RAD21: variants seen among roughly 807,000 people sequenced by gnomAD.
RAD21 encodes the protein double-strand-break repair protein rad21 homolog.
RAD21 carries 18 observed loss-of-function variants against 71.5 expected under a neutral mutation model. That is an observed-to-expected ratio of 0.25 (90% confidence interval 0.17 to 0.37). RAD21 has a LOEUF of 0.37. Ranked by LOEUF, RAD21 falls within the 10% of genes least tolerant of loss-of-function variation. RAD21 has a pLI of 1.00. For missense variants in RAD21, 493 were observed against 769.1 expected, an observed-to-expected ratio of 0.64 and a Z score of 4.25; for synonymous variants, 248 against 254.0, an observed-to-expected ratio of 0.98 and a Z score of 0.22.
At position 116,846,680 on chromosome 8, in the gene RAD21, C is replaced by G. The variant is rs541737011; in HGVS notation, c.*820G>C. 1 of 223,434 alleles carries G rather than the reference C, an allele frequency of 4.5e-6. No homozygotes were observed. Among genetic ancestry groups the G allele is most frequent in the East Asian group, 6.5e-5 (1 of 15,308 alleles). The allele number at this position is 223,434 out of a possible 1,614,324, so 13.8% of individuals were successfully genotyped here. On this transcript the variant is annotated 3_prime_UTR_variant, in exon 14 of 14. Coordinates refer to ENST00000297338, the MANE Select transcript of RAD21 (RefSeq NM_006265.3). The stretch of plus-strand genomic sequence containing the variant: ...GCAGGGCAATTTCTGTTTTCATGAT[C>G]GGAATACTCAAATATATCCAAACAT...
chr8:116,873,557 G>A (rs1362371838), intron 1 of RAD21, among the ~76,000 whole-genome samples: 2 of 151,748 alleles, frequency 1.3e-5, no homozygotes, highest in Admixed American at 6.6e-5. Flanking sequence ...CCAGTATAAT[G>A]ACAACAAAGA....
intron 6 of RAD21, 146 bp downstream of exon 6, chr8:116,857,121 G>A (rs1035065951): frequency 1.7e-5 from 11 of 664,450 alleles, no homozygotes; most frequent in Non-Finnish European, 2.7e-5. Context: ...TAGTTTTACC[G>A]AAATGTCCTA....
Position 116,874,669 on chromosome 8 carries a change from G to C in RAD21, c.-91C>G. 2.6e-6 allele frequency: 1 copy of C among 387,504 alleles called. No individual in the cohort carries two copies. The highest frequency in any genetic ancestry group is 5.1e-6 in the Non-Finnish European group (1 of 195,284). The allele number at this position is 387,504 out of a possible 1,614,324, so 24.0% of individuals were successfully genotyped here. On this transcript the variant is annotated 5_prime_UTR_variant, in exon 1 of 14. Coordinates refer to ENST00000297338, the MANE Select transcript of RAD21 (RefSeq NM_006265.3). ...GGCCCGGGGAGGGGAAAAGGGTCGGGGGAGGGGGTGGGGAAAGGGGGGAGC... is the reference window on the plus strand; with the variant it reads ...GGCCCGGGGAGGGGAAAAGGGTCGGCGGAGGGGGTGGGGAAAGGGGGGAGC...
intron 13 of RAD21, among the ~76,000 whole-genome samples, chr8:116,848,008 G>C (rs1189365087): frequency 6.6e-6 from 1 of 152,090 alleles, no homozygotes; most frequent in African/African-American, 2.4e-5. Context: ...CTCCCCCTTT[G>C]CCTTCCACCA....
intron 2 of RAD21, among the ~76,000 whole-genome samples, chr8:116,864,702 ATTATC>A (rs1331863906): frequency 6.6e-6 from 1 of 152,158 alleles, no homozygotes; most frequent in Non-Finnish European, 1.5e-5. Flanking sequence ...AACCTCTGCT[ATTATC>A]TTATCTAGAA....
At chr8:116,869,915 T>A (rs969805001) in intron 1 of RAD21, among the ~76,000 whole-genome samples, 2 of 152,214 alleles carry the variant, frequency 1.3e-5, no homozygotes, top group South Asian at 2.1e-4. Context: ...GTACTTTCAA[T>A]TAAAAATGTG....
Position 116,847,709 on chromosome 8 carries a change from A to C in RAD21, c.1705-18T>G. The C allele has an allele frequency of 6.2e-7, 1 of 1,602,674 alleles. No individual in the cohort carries two copies. The highest frequency in any genetic ancestry group is 8.5e-7 in the Non-Finnish European group (1 of 1,173,580). The stretch of plus-strand genomic sequence containing the variant: ...AGAGCACGCTGAAATAAAACCAAAA[A>C]AGGGTAACTTAATCTGTATAATAAA... On this transcript the variant is annotated intron_variant, in intron 13 of 13. Transcript: ENST00000297338.
At position 116,862,078 on chromosome 8, in the gene RAD21, C is replaced by G. The variant is rs77422097; in HGVS notation, c.275-138G>C. 1,610 of 584,794 alleles carry G rather than the reference C, an allele frequency of 2.8e-3. 27 individuals are homozygous for G. In the East Asian group the frequency reaches 0.038, roughly 14 times the overall value. 36.2% of individuals were successfully genotyped at this position (584,794 alleles called of 1,614,324 possible). A position where few individuals can be genotyped will look rare whatever the true frequency, so the allele number is the denominator to read the frequency against. On this transcript the variant is annotated intron_variant, in intron 3 of 13. Transcript: ENST00000297338. Reference sequence around the variant, plus strand: ...AACATATGCAAAATACCTTGAAGCACAAGTACTTCTCTTTTTCCATGCTCA... The same window carrying G: ...AACATATGCAAAATACCTTGAAGCAGAAGTACTTCTCTTTTTCCATGCTCA...
chr8:116,873,724 G>A (rs1812894907), intron 1 of RAD21, among the ~76,000 whole-genome samples: 1 of 151,512 alleles, frequency 6.6e-6, no homozygotes, highest in Non-Finnish European at 1.5e-5. Flanking sequence ...GAAGAAGGCC[G>A]CTAAGTCTGG....
At chr8:116,861,344 T>C (rs1021572322) in intron 4 of RAD21, among the ~76,000 whole-genome samples, 1 of 151,402 alleles carries the variant, frequency 6.6e-6, no homozygotes, top group Non-Finnish European at 1.5e-5. Context: ...ATAACAGCCA[T>C]CTCTGTGTAA....
At chr8:116,863,109 A>C in intron 3 of RAD21, 21 bp downstream of exon 3, 1 of 1,588,346 alleles carries the variant, frequency 6.3e-7, no homozygotes, top group Non-Finnish European at 8.6e-7. Context: ...AACAACAAAA[A>C]CCAAACAAGT....
At position 116,863,022 on chromosome 8, in the gene RAD21, A is replaced by T. The variant is rs2921784; in HGVS notation, c.274+108T>A. The T allele has an allele frequency of 0.043, 59,392 of 1,385,184 alleles. 4,477 individuals carry two copies. The highest frequency in any genetic ancestry group is 0.3 in the African/African-American group (20,741 of 68,980). The allele number at this position is 1,385,184 out of a possible 1,614,324, so 85.8% of individuals were successfully genotyped here. On this transcript the variant is annotated intron_variant, in intron 3 of 13. Transcript: ENST00000297338. ...TGAAGGGTTCCTCGTATTTCAATTA[A>T]AACAAAGCATGTAGATTTAGAAAAT...
rs16889042 is a variant in RAD21 at position 116,866,762 on chromosome 8, C to T, written c.-32-1G>A. Reference sequence around the variant, plus strand: ...GCTGGCTATGAAAACAGAAGAAAACCTAAGAGGGGAAAAAAAAGTTAATGT... The same window carrying T: ...GCTGGCTATGAAAACAGAAGAAAACTTAAGAGGGGAAAAAAAAGTTAATGT... On this transcript the variant is annotated splice_acceptor_variant, in intron 1 of 13. Coordinates refer to ENST00000297338, the MANE Select transcript of RAD21 (RefSeq NM_006265.3). LOFTEE classifies it low-confidence loss of function (5UTR_SPLICE). 2,816 of 1,533,520 alleles carry T rather than the reference C, an allele frequency of 1.8e-3. 3 individuals carry two copies. The highest frequency in any genetic ancestry group is 2.3e-3 in the Non-Finnish European group (2,635 of 1,141,448). The allele number at this position is 1,533,520 out of a possible 1,614,324, so 95.0% of individuals were successfully genotyped here. A position where few individuals can be genotyped will look rare whatever the true frequency, so the allele number is the denominator to read the frequency against.
rs1205607877 is a variant in RAD21 at position 116,874,738 on chromosome 8, G to A, written c.-160C>T. On this transcript the variant is annotated 5_prime_UTR_variant, in exon 1 of 14. Coordinates refer to ENST00000297338, the MANE Select transcript of RAD21 (RefSeq NM_006265.3). ...CCGAGCAGCTCCCGCCGCCGCCACA[G>A]CCGGCGCCTCCTTTCCGATTCACTC... 2.2e-6 allele frequency: 1 copy of A among 454,272 alleles called. No individual in the cohort carries two copies. Among genetic ancestry groups the A allele is most frequent in the Non-Finnish European group, 4.4e-6 (1 of 225,686 alleles). 28.1% of individuals were successfully genotyped at this position (454,272 alleles called of 1,614,324 possible). A position where few individuals can be genotyped will look rare whatever the true frequency, so the allele number is the denominator to read the frequency against.
Position 116,846,172 on chromosome 8 carries a change from A to G in RAD21, c.*1328T>C, listed in dbSNP as rs1481404859. The stretch of plus-strand genomic sequence containing the variant: ...AATGTAAAGCTGCAATAGCAATTTT[A>G]TACAATTACCACTCTGAAGAAACTG... On this transcript the variant is annotated 3_prime_UTR_variant, in exon 14 of 14. Coordinates refer to ENST00000297338, the MANE Select transcript of RAD21 (RefSeq NM_006265.3). 4.3e-6 allele frequency: 1 copy of G among 231,096 alleles called. No individual in the cohort carries two copies. The highest frequency in any genetic ancestry group is 8.6e-6 in the Non-Finnish European group (1 of 116,590). The allele number at this position is 231,096 out of a possible 1,614,324, so 14.3% of individuals were successfully genotyped here.
intron 1 of RAD21, 106 bp from the exon 2 acceptor site, chr8:116,866,867 T>C (rs1391454888): frequency 1.5e-6 from 1 of 649,200 alleles, no homozygotes; most frequent in Non-Finnish European, 2.3e-6. Flanking sequence ...ATGAAAACTA[T>C]AAAATGCTTG....
chr8:116,849,639 G>A (rs1246325319), intron 12 of RAD21, among the ~76,000 whole-genome samples: 2 of 152,114 alleles, frequency 1.3e-5, no homozygotes, highest in East Asian at 1.9e-4. Context: ...AGTCCAAGGT[G>A]GGTGCAAGGC....
intron 9 of RAD21, among the ~76,000 whole-genome samples, chr8:116,853,479 T>C (rs576436439): frequency 1.3e-5 from 2 of 152,024 alleles, no homozygotes; most frequent in South Asian, 4.1e-4. Context: ...TAAAGAACAA[T>C]GTAATCAACA....
At position 116,863,318 on chromosome 8, in the gene RAD21, C is replaced by T. The variant is rs2921783; in HGVS notation, c.145-59G>A. 64,577 of 1,522,526 alleles carry T rather than the reference C, an allele frequency of 0.042. 4,675 individuals carry two copies. Among genetic ancestry groups the T allele is most frequent in the African/African-American group, 0.3 (21,537 of 72,054 alleles). 94.3% of individuals were successfully genotyped at this position (1,522,526 alleles called of 1,614,324 possible). A position where few individuals can be genotyped will look rare whatever the true frequency, so the allele number is the denominator to read the frequency against. On this transcript the variant is annotated intron_variant, in intron 2 of 13. Transcript: ENST00000297338. ...TGCATTTCGTGCCATTCATAGTCTT[C>T]TTTTTATCTTTTTCCTTTAAAGTTG...
Sources: gnomAD v4.1 joint callset for allele counts (sites outside exome capture counted in the v4.1 genomes callset) on GRCh38, gnomAD v4.1.1 for gene constraint, MANE v1.5 for transcripts, NCBI Gene and HGNC (gene_info 2026-07-23, HGNC 2026-07-21) for gene names.